ABCA1: variants seen among roughly 807,000 people sequenced by gnomAD.
ABCA1 encodes ATP binding cassette subfamily A member 1, also known as phospholipid-transporting ATPase ABCA1.
In ABCA1, 133 loss-of-function variants were observed where a neutral mutation model predicts 262.5. That is an observed-to-expected ratio of 0.51 (90% CI 0.44 to 0.59). The LOEUF is 0.59. Among genes scored for constraint, ABCA1 ranks in the 20% least tolerant of loss-of-function variants. The probability of loss-of-function intolerance (pLI) is 0.00; values close to 1 mark genes in which losing one functional copy is unlikely to be tolerated. For missense variants in ABCA1, 2,452 were observed against 2,777.5 expected (o/e 0.88, Z 2.63); for synonymous variants, 1,022 against 1,043.5 (o/e 0.98, Z 0.40).
At chr9:104,861,892 T>C in intron 5 of ABCA1, 92 bp from the exon 6 acceptor site, 3 of 1,183,022 alleles carry the variant, frequency 2.5e-6, no homozygotes, top group Non-Finnish European at 3.6e-6. Flanking sequence ...AACGTTATCA[T>C]AATATTGATG....
chr9:104,859,931 T>C (rs1019723857), intron 6 of ABCA1, among the ~76,000 whole-genome samples: 12 of 151,798 alleles, frequency 7.9e-5, no homozygotes. Context: ...GGTGCATGCC[T>C]GTAATCCCAG....
intron 9 of ABCA1, 102 bp downstream of exon 9, chr9:104,840,176 GA>G: frequency 6.3e-7 from 1 of 1,590,610 alleles, no homozygotes; most frequent in South Asian, 1.1e-5. Flanking sequence ...TGGGCATGTA[GA>G]CATCTAACGC....
chr9:104,919,027 T>G (rs1841991343), intron 1 of ABCA1, among the ~76,000 whole-genome samples: 1 of 152,220 alleles, frequency 6.6e-6, no homozygotes, highest in Non-Finnish European at 1.5e-5. Flanking sequence ...TCCCCCTCCC[T>G]GCTCCTGGCC....
rs779125900 is a variant in ABCA1, at chr9:104,816,291, A to T, written c.3590T>A (p.Val1197Glu). ...GGTCAGCTCATGCCCTATGTCTTCCACCAGCCGGGCTTCAGACACATGCTT... is the reference window on the plus strand; with the variant it reads ...GGTCAGCTCATGCCCTATGTCTTCCTCCAGCCGGGCTTCAGACACATGCTT... Reference protein sequence around the residue: ...IRKHVSEARLVEDIGHELTYV... With the variant: ...IRKHVSEARLEEDIGHELTYV... Residue 1197 changes from valine to glutamate, a missense_variant, in exon 25 of 50, where the codon GTG becomes GAG. Val to Glu is a moderately radical substitution (Grantham distance 121). Around this residue, in one of 4 missense-constraint regions of ABCA1, gnomAD observed 665 missense variants for 727.3 expected, o/e 0.91. Coordinates refer to ENST00000374736, the MANE Select transcript of ABCA1 (RefSeq NM_005502.4). 6.2e-7 allele frequency: 1 copy of T among 1,614,026 alleles called. No homozygotes were observed. Among genetic ancestry groups the T allele is most frequent in the Admixed American group, 1.7e-5 (1 of 60,004 alleles).
intron 1 of ABCA1, among the ~76,000 whole-genome samples, chr9:104,920,884 G>A (rs1419445298): frequency 1.3e-5 from 2 of 152,032 alleles, no homozygotes; most frequent in Non-Finnish European, 2.9e-5. Context: ...TATATTATAC[G>A]GTTCACATTA....
At chr9:104,909,654 A>ACACACACACACACACG (rs770801372) in intron 1 of ABCA1, among the ~76,000 whole-genome samples, 4 of 146,508 alleles carry the variant, frequency 2.7e-5, no homozygotes, top group African/African-American at 7.6e-5. Context: ...ACACACACAC[A>ACACACACACACACACG]TTCACAGGAA....
Position 104,786,895 on chromosome 9 carries a change from A to T in ABCA1, c.6286T>A (p.Ser2096Thr). Residue 2096 changes from serine (S) to threonine (T), a missense_variant, in exon 47 of 50, where the codon TCA (serine) becomes ACA (threonine). Physicochemically the swap from Ser to Thr is moderately conservative, Grantham distance 58. Coordinates refer to ENST00000374736, the MANE Select transcript of ABCA1 (RefSeq NM_005502.4). ...CALSVVKEGR[S>T]VVLTSHSMEE... The stretch of plus-strand genomic sequence containing the variant: ...GACCTATGAGATGTAAGCACTACTG[A>T]TCTCCCCTCCTTGACAACACTTAGG... The T allele has an allele frequency of 6.2e-7, 1 of 1,613,966 alleles. No individual in the cohort carries two copies.
At chr9:104,874,661 C>A (rs1345659728) in intron 5 of ABCA1, among the ~76,000 whole-genome samples, 1 of 152,180 alleles carries the variant, frequency 6.6e-6, no homozygotes, top group Non-Finnish European at 1.5e-5. Context: ...GAGGCTGAGG[C>A]AGGTGGATCA....
Position 104,822,742 on chromosome 9 carries a change from C to A in ABCA1, c.2657-75G>T, listed in dbSNP as rs12344156. 3.3e-5 allele frequency: 51 copies of A among 1,560,128 alleles called. No individual in the cohort carries two copies. In the African/African-American group the frequency reaches 6.1e-4, roughly 19 times the overall value. ...TGGAGTGTAAGGACACAGGGCACTG[C>A]GCTTGAACTTTCAGAAGTGCCTTCT... On this transcript the variant is annotated intron_variant, in intron 18 of 49. Coordinates refer to ENST00000374736, the MANE Select transcript of ABCA1 (RefSeq NM_005502.4).
At chr9:104,813,096 T>C (rs1224691932) in intron 27 of ABCA1, among the ~76,000 whole-genome samples, 1 of 152,254 alleles carries the variant, frequency 6.6e-6, no homozygotes, top group Non-Finnish European at 1.5e-5. Context: ...TATTTGAGAA[T>C]ACACAATGGC....
rs769533549 is a variant in ABCA1, at chr9:104,792,774, G to A, written c.5757+12C>T. 4.0e-5 allele frequency: 65 copies of A among 1,613,856 alleles called. No homozygotes were observed. Among genetic ancestry groups the A allele is most frequent in the Non-Finnish European group, 5.2e-5 (61 of 1,179,968 alleles). On this transcript the variant is annotated intron_variant, in intron 42 of 49. Coordinates refer to ENST00000374736, the MANE Select transcript of ABCA1 (RefSeq NM_005502.4). ...AACTGAAGATGAGCTATTGTAACCT[G>A]TACTCTCTCACCTTCGTCAACTCCT...
chr9:104,853,722 T>C (rs995977464), intron 7 of ABCA1, among the ~76,000 whole-genome samples: 81 of 152,312 alleles, frequency 5.3e-4, no homozygotes, highest in African/African-American at 1.7e-3. Flanking sequence ...AAAACCCTAA[T>C]AGGTGATGCT....
chr9:104,893,499 A>G (rs1410431949), intron 2 of ABCA1, among the ~76,000 whole-genome samples: 2 of 151,756 alleles, frequency 1.3e-5, no homozygotes, highest in Admixed American at 6.6e-5. Flanking sequence ...GAAGCTAAAC[A>G]AAGAGTATGA....
At chr9:104,927,223 A>G (rs751148143) in intron 1 of ABCA1, among the ~76,000 whole-genome samples, 6,363 of 151,254 alleles carry the variant, frequency 0.042, 209 homozygotes, top group African/African-American at 0.068. Context: ...AAAAAAAAGA[A>G]AAAGAAAAGG....
intron 1 of ABCA1, among the ~76,000 whole-genome samples, chr9:104,906,062 T>C (rs1841110815): frequency 6.6e-6 from 1 of 152,234 alleles, no homozygotes; most frequent in Admixed American, 6.5e-5. Flanking sequence ...CATGGCTTAA[T>C]TTAAGTGCCA....
At chr9:104,819,441 G>T in intron 22 of ABCA1, 145 bp downstream of exon 22, 1 of 1,170,970 alleles carries the variant, frequency 8.5e-7, no homozygotes, top group Non-Finnish European at 1.3e-6. Flanking sequence ...AGGAATCTCA[G>T]TCTCAATGCC....
Position 104,784,240 on chromosome 9 carries a change from C to T in ABCA1, c.*75G>A, listed in dbSNP as rs538474704. The T allele has an allele frequency of 2.0e-5, 32 of 1,595,276 alleles. No individual in the cohort carries two copies. In the African/African-American group the frequency reaches 2.0e-4, roughly 10 times the overall value. On this transcript the variant is annotated 3_prime_UTR_variant, in exon 50 of 50. Transcript: ENST00000374736. ...CCACATCAACTTCTGGCTCTTTTCT[C>T]CACAACACTTCACATGGTGCAAAGG...
Position 104,812,702 on chromosome 9 carries a change from G to A in ABCA1, c.3922C>T (p.Leu1308Phe). ...IDPESRETDL[L>F]SGMDGKGSYQ... ...GACCCTTTGCCATCCATCCCACTGA[G>A]CAAGTCTGTCTCTCTGGATTCTGCA... The change falls in exon 28 of 50, where the codon CTC becomes TTC. Residue 1308 changes from leucine (L) to phenylalanine (F), a missense_variant. Physicochemically the swap from Leu to Phe is conservative, Grantham distance 22 (BLOSUM62 0). Coordinates refer to ENST00000374736, the MANE Select transcript of ABCA1 (RefSeq NM_005502.4). The A allele has an allele frequency of 6.2e-7, 1 of 1,614,230 alleles. No homozygotes were observed. Among genetic ancestry groups the A allele is most frequent in the Middle Eastern group, 1.6e-4 (1 of 6,062 alleles).
intron 34 of ABCA1, 93 bp downstream of exon 34, chr9:104,801,961 G>C: frequency 8.8e-7 from 1 of 1,142,554 alleles, no homozygotes; most frequent in Non-Finnish European, 1.3e-6. Context: ...AGAACAATGA[G>C]CTGCCAGGTG....
Sources: gnomAD v4.1 joint callset for allele counts (sites outside exome capture counted in the v4.1 genomes callset) on GRCh38, gnomAD v4.1.1 for gene constraint, gnomAD v4.1.1 regional missense constraint, MANE v1.5 for transcripts, NCBI Gene and HGNC (gene_info 2026-07-23, HGNC 2026-07-21) for gene names.